TTC29: variants seen among roughly 807,000 people sequenced by gnomAD.
The protein encoded by TTC29 is tetratricopeptide repeat domain 29, also known as tetratricopeptide repeat protein 29.
TTC29 carries 49 observed loss-of-function variants against 58.1 expected under a neutral mutation model. That is an observed-to-expected ratio of 0.84 (90% CI 0.67 to 1.07). TTC29 has a LOEUF of 1.07. Ranked by LOEUF, TTC29 falls within the 50% of genes least tolerant of loss-of-function variation. The probability of loss-of-function intolerance (pLI) is 0.00; values close to 1 mark genes in which losing one functional copy is unlikely to be tolerated. For synonymous variants in TTC29, 209 were observed against 196.8 expected, an observed-to-expected ratio of 1.06 and a Z score of -0.52; for missense variants, 582 against 555.6, an observed-to-expected ratio of 1.05 and a Z score of -0.48.
intron 4 of TTC29, among the ~76,000 whole-genome samples, chr4:146,922,773 C>A (rs187629268): frequency 1.1e-4 from 17 of 151,804 alleles, no homozygotes; most frequent in Non-Finnish European, 2.4e-4. Flanking sequence ...ACACTCCCTC[C>A]AAGATACAGA....
intron 8 of TTC29, among the ~76,000 whole-genome samples, chr4:146,845,318 A>G (rs916773009): frequency 3.9e-5 from 6 of 152,132 alleles, no homozygotes; most frequent in African/African-American, 1.4e-4. Flanking sequence ...TACTGGCAAG[A>G]GAAATAGGCC....
Position 146,707,064 on chromosome 4 carries a change from C to A in TTC29, c.*94G>T. 1.1e-6 allele frequency: 1 copy of A among 930,992 alleles called. No individual in the cohort carries two copies. The highest frequency in any genetic ancestry group is 1.5e-6 in the Non-Finnish European group (1 of 651,490). 57.7% of individuals were successfully genotyped at this position (930,992 alleles called of 1,614,324 possible). A position where few individuals can be genotyped will look rare whatever the true frequency, so the allele number is the denominator to read the frequency against. On this transcript the variant is annotated 3_prime_UTR_variant, in exon 13 of 13. Coordinates refer to ENST00000325106, the MANE Select transcript of TTC29 (RefSeq NM_031956.4). ...AGTCATAGTCCGTTTTATTATAACT[C>A]TATATTATCTGTAACATGCTCCTAT...
intron 6 of TTC29, among the ~76,000 whole-genome samples, chr4:146,901,286 G>A (rs1733131290): frequency 6.6e-6 from 1 of 152,068 alleles, no homozygotes; most frequent in African/African-American, 2.4e-5. Context: ...TCTCCCCAGT[G>A]TGTACATTTA....
intron 11 of TTC29, among the ~76,000 whole-genome samples, chr4:146,738,789 C>A (rs1744908290): frequency 6.6e-6 from 1 of 152,062 alleles, no homozygotes. Flanking sequence ...ACCTTATACT[C>A]TGGGGGAAGG....
intron 4 of TTC29, among the ~76,000 whole-genome samples, chr4:146,928,627 G>C (rs1477027340): frequency 6.6e-6 from 1 of 152,180 alleles, no homozygotes; most frequent in East Asian, 1.9e-4. Context: ...GCTCAGGTCA[G>C]TTCAGAAGGA....
At chr4:146,757,093 G>A (rs1033473065) in intron 11 of TTC29, among the ~76,000 whole-genome samples, 1 of 152,056 alleles carries the variant, frequency 6.6e-6, no homozygotes, top group Non-Finnish European at 1.5e-5. Flanking sequence ...ATTTTGGGGG[G>A]TGTTGAAGAG....
chr4:146,822,449 T>G (rs951552515), intron 9 of TTC29, among the ~76,000 whole-genome samples: 32 of 152,208 alleles, frequency 2.1e-4, no homozygotes, highest in African/African-American at 7.7e-4. Flanking sequence ...TATTCCATGG[T>G]GTATATGTAC....
At chr4:146,708,336 A>ATATATATATATATATATACATG (rs1561046902) in intron 11 of TTC29, among the ~76,000 whole-genome samples, 21 of 76,386 alleles carry the variant, frequency 2.7e-4, no homozygotes, top group African/African-American at 9.1e-4. Context: ...ATATATATAT[A>ATATATATATATATATATACATG]TATATATATA....
intron 5 of TTC29, 122 bp downstream of exon 5, chr4:146,908,904 G>T (rs1242015795): frequency 2.4e-6 from 2 of 819,004 alleles, no homozygotes; most frequent in Non-Finnish European, 3.9e-6. Context: ...TTAATTGACT[G>T]GGTTGAAGTG....
intron 8 of TTC29, among the ~76,000 whole-genome samples, chr4:146,851,650 C>T (rs1729523660): frequency 6.6e-6 from 1 of 152,180 alleles, no homozygotes; most frequent in Non-Finnish European, 1.5e-5. Flanking sequence ...ATGCTGATTA[C>T]ACTGCTTTCA....
chr4:146,925,246 T>C (rs917368887), intron 4 of TTC29, among the ~76,000 whole-genome samples: 1 of 152,082 alleles, frequency 6.6e-6, no homozygotes, highest in Non-Finnish European at 1.5e-5. Context: ...TGTCCAAGGC[T>C]TCTATATTCC....
intron 11 of TTC29, among the ~76,000 whole-genome samples, chr4:146,726,074 T>G (rs915644966): frequency 1.3e-5 from 2 of 152,120 alleles, no homozygotes; most frequent in Non-Finnish European, 2.9e-5. Flanking sequence ...GCGGTATTGC[T>G]ATATTGCCCA....
At chr4:146,930,351 G>C (rs1192344208) in intron 4 of TTC29, among the ~76,000 whole-genome samples, 1 of 151,764 alleles carries the variant, frequency 6.6e-6, no homozygotes, top group East Asian at 1.9e-4. Context: ...AAAAATAAAA[G>C]AGAATGATAA....
intron 11 of TTC29, among the ~76,000 whole-genome samples, chr4:146,794,090 T>G (rs1373641002): frequency 6.6e-6 from 1 of 152,142 alleles, no homozygotes; most frequent in Non-Finnish European, 1.5e-5. Context: ...TCTTATTTCC[T>G]GCCAATCAAA....
intron 10 of TTC29, among the ~76,000 whole-genome samples, chr4:146,816,331 CT>C: frequency 6.6e-6 from 1 of 152,102 alleles, no homozygotes; most frequent in Non-Finnish European, 1.5e-5. Context: ...GGGTTTAGGT[CT>C]TGTCTGTTTT....
intron 8 of TTC29, among the ~76,000 whole-genome samples, chr4:146,846,106 C>T (rs944465680): frequency 1.3e-5 from 2 of 151,580 alleles, no homozygotes; most frequent in Admixed American, 6.6e-5. Flanking sequence ...TGCATTCTAC[C>T]GCATTCAATA....
intron 5 of TTC29, among the ~76,000 whole-genome samples, chr4:146,906,133 C>T (rs1352451144): frequency 6.6e-6 from 1 of 151,666 alleles, no homozygotes; most frequent in African/African-American, 2.4e-5. Flanking sequence ...ACAGATGGCA[C>T]AGCAATGATT....
chr4:146,914,624 T>C (rs1734100697), intron 4 of TTC29, among the ~76,000 whole-genome samples: 1 of 152,168 alleles, frequency 6.6e-6, no homozygotes, highest in South Asian at 2.1e-4. Flanking sequence ...ATGCTGAATG[T>C]ATCCTGAGGA....
intron 4 of TTC29, among the ~76,000 whole-genome samples, chr4:146,923,110 C>T (rs576698907): frequency 6.6e-6 from 1 of 151,844 alleles, no homozygotes; most frequent in South Asian, 2.1e-4. Context: ...TACAAGTAAC[C>T]ATTGTAATTT....
Sources: gnomAD v4.1 joint callset for allele counts (sites outside exome capture counted in the v4.1 genomes callset) on GRCh38, gnomAD v4.1.1 for gene constraint, MANE v1.5 for transcripts, NCBI Gene and HGNC (gene_info 2026-07-23, HGNC 2026-07-21) for gene names.